The following B3GLCT variants were observed in gnomAD, a reference collection of about 807,000 sequenced individuals.
B3GLCT encodes beta-1,3-glucosyltransferase.
Under a neutral mutation model 63.4 loss-of-function variants are expected in B3GLCT, and 65 were observed. The ratio of observed to expected loss-of-function variants is 1.03; its 90% CI spans 0.84 to 1.26. The LOEUF (loss-of-function observed/expected upper bound fraction) is 1.26, where lower values mean the gene tolerates loss of function less well. B3GLCT is among the 50% of genes most tolerant of loss of function. The pLI, the probability that B3GLCT is intolerant of heterozygous loss-of-function variation, is 0.00. For missense variants in B3GLCT, 577 were observed against 604.8 expected (o/e 0.95, Z 0.48); for synonymous variants, 233 against 219.2 (o/e 1.06, Z -0.55).
intron 12 of B3GLCT, 55 bp from the exon 13 acceptor site, chr13:31,317,511 C>A: frequency 1.2e-6 from 2 of 1,608,438 alleles, no homozygotes; most frequent in South Asian, 2.2e-5. Context: ...ATAAACTGTT[C>A]CATAACCACG....
intron 6 of B3GLCT, among the ~76,000 whole-genome samples, chr13:31,254,642 G>A (rs569086299): frequency 6.6e-6 from 1 of 152,158 alleles, no homozygotes; most frequent in Non-Finnish European, 1.5e-5. Context: ...ATTCAACATG[G>A]TATTGGAAGT....
chr13:31,200,567 C>A lies in B3GLCT; in HGVS notation c.70+413C>A, dbSNP rs549177440. 2.0e-3 allele frequency among the ~76,000 whole-genome samples: 309 copies of A among 151,228 alleles called. 1 individual carries two copies. Among genetic ancestry groups the A allele is most frequent in the Non-Finnish European group, 2.2e-3 (150 of 67,628 alleles). ...GTGGCGGCGGCGGCGGTCCCGCCCC[C>A]CTGCCTTCCGCCCGCGCTCCGCCGT... is the stretch of plus-strand genomic sequence containing the variant. On this transcript the variant is annotated intron_variant, in intron 1 of 14. Coordinates refer to ENST00000343307, the MANE Select transcript of B3GLCT (RefSeq NM_194318.4).
chr13:31,323,877 C>T lies in B3GLCT; in HGVS notation c.1311C>T (p.His437=). ...CFSGLGIPVT[H]SPLFHQARPV... ...GTGGCTTGGGAATCCCTGTGACACA[C>T]AGCCCTCTCTTCCATCAGGTGAGGA... Residue 437 remains histidine (H), a synonymous_variant, in exon 14 of 15, where the codon CAC becomes CAT. Transcript: ENST00000343307. 1.2e-6 allele frequency: 2 copies of T among 1,614,210 alleles called. No individual in the cohort carries two copies. Among genetic ancestry groups the T allele is most frequent in the African/African-American group, 1.3e-5 (1 of 75,062 alleles).
intron 8 of B3GLCT, among the ~76,000 whole-genome samples, chr13:31,271,791 A>T (rs897328601): frequency 6.6e-6 from 1 of 152,204 alleles, no homozygotes; most frequent in African/African-American, 2.4e-5. Context: ...GGAATGTAGA[A>T]ATCGTCCATA....
chr13:31,295,452 T>G (rs1566086572), intron 12 of B3GLCT, among the ~76,000 whole-genome samples: 1 of 151,902 alleles, frequency 6.6e-6, no homozygotes, highest in Non-Finnish European at 1.5e-5. Flanking sequence ...CCCAGGGAGG[T>G]GGGAGTTTTA....
chr13:31,318,653 G>T (rs1209340493), intron 13 of B3GLCT, among the ~76,000 whole-genome samples: 1 of 152,138 alleles, frequency 6.6e-6, no homozygotes, highest in Non-Finnish European at 1.5e-5. Context: ...AAAGACACTA[G>T]AGTAAGCCCA....
chr13:31,255,158 A>G (rs1046734543), intron 6 of B3GLCT, among the ~76,000 whole-genome samples: 11 of 152,182 alleles, frequency 7.2e-5, no homozygotes, highest in African/African-American at 2.4e-4. Flanking sequence ...CTATACACCA[A>G]TAACAGACAG....
rs182440974 is a variant in B3GLCT, at chr13:31,328,261, T to C, written c.1330-1240T>C. On this transcript the variant is annotated intron_variant, in intron 14 of 14. Coordinates refer to ENST00000343307, the MANE Select transcript of B3GLCT (RefSeq NM_194318.4). The stretch of plus-strand genomic sequence containing the variant: ...TCATATCAAAGATTTAGGCAGACTG[T>C]AATAAAAAAAGTAGCCTACAAAAGA... Among the ~76,000 whole-genome samples the C allele has an allele frequency of 2.7e-4, 41 of 152,324 alleles. 1 individual carries two copies. In the Middle Eastern group the frequency reaches 0.014, roughly 51 times the overall value.
chr13:31,219,333 A>G (rs1869708145), intron 2 of B3GLCT, among the ~76,000 whole-genome samples: 1 of 152,242 alleles, frequency 6.6e-6, no homozygotes, highest in Admixed American at 6.5e-5. Context: ...TAAACACGTG[A>G]TTATTAAAAA....
intron 4 of B3GLCT, among the ~76,000 whole-genome samples, chr13:31,244,900 A>G (rs2137801331): frequency 6.6e-6 from 1 of 152,270 alleles, no homozygotes; most frequent in East Asian, 1.9e-4. Flanking sequence ...AGTAGCACCT[A>G]CTTTGTATTT....
At chr13:31,203,215 T>G (rs1868772184) in intron 1 of B3GLCT, among the ~76,000 whole-genome samples, 1 of 152,178 alleles carries the variant, frequency 6.6e-6, no homozygotes, top group African/African-American at 2.4e-5. Context: ...CAGACCTAAT[T>G]CCAGGTTGTT....
At chr13:31,292,746 T>C (rs1448396994) in intron 12 of B3GLCT, among the ~76,000 whole-genome samples, 2 of 151,862 alleles carry the variant, frequency 1.3e-5, no homozygotes, top group African/African-American at 4.8e-5. Flanking sequence ...TTTGTTAATC[T>C]TTTCAAAAAA....
chr13:31,322,475 G>T (rs1426666226), intron 13 of B3GLCT, among the ~76,000 whole-genome samples: 1 of 152,172 alleles, frequency 6.6e-6, no homozygotes, highest in Admixed American at 6.5e-5. Context: ...TTAATAGTTG[G>T]TGGCCAGAGC....
chr13:31,273,107 T>A (rs1415777223), intron 8 of B3GLCT, among the ~76,000 whole-genome samples: 1 of 152,008 alleles, frequency 6.6e-6, no homozygotes, highest in Non-Finnish European at 1.5e-5. Context: ...TGTTTTTCTT[T>A]TGAGACAGAG....
intron 13 of B3GLCT, among the ~76,000 whole-genome samples, chr13:31,323,160 C>A (rs1227933139): frequency 6.6e-6 from 1 of 152,196 alleles, no homozygotes; most frequent in Non-Finnish European, 1.5e-5. Context: ...GAATTGAGCC[C>A]AGCATGTGGA....
chr13:31,229,251 A>G lies in B3GLCT; in HGVS notation c.227A>G (p.Gln76Arg). 6.2e-7 allele frequency: 1 copy of G among 1,613,752 alleles called. No individual in the cohort carries two copies. Among genetic ancestry groups the G allele is most frequent in the African/African-American group, 1.3e-5 (1 of 75,036 alleles). ...SNSFHAKRAE[Q>R]LKKSILKQAA... is the part of the protein sequence containing the mutation. ...TCTTTTCATGCAAAGAGAGCAGAGCAGTTAAAAAAAAGCATCTTAAAGCAG... is the reference window on the plus strand; with the variant it reads ...TCTTTTCATGCAAAGAGAGCAGAGCGGTTAAAAAAAAGCATCTTAAAGCAG... The change falls in exon 4 of 15, where the codon CAG (glutamine) becomes CGG (arginine). Residue 76 changes from glutamine to arginine, a missense_variant. By Grantham distance (43) the Gln-to-Arg change is conservative (BLOSUM62 1). Coordinates refer to ENST00000343307, the MANE Select transcript of B3GLCT (RefSeq NM_194318.4).
intron 6 of B3GLCT, among the ~76,000 whole-genome samples, chr13:31,250,043 A>G (rs1264329674): frequency 6.6e-6 from 1 of 152,214 alleles, no homozygotes; most frequent in Admixed American, 6.5e-5. Context: ...ACTTTTATTA[A>G]TCTTTATTAA....
At chr13:31,276,613 T>G in intron 9 of B3GLCT, 89 bp from the exon 10 acceptor site, 1 of 846,108 alleles carries the variant, frequency 1.2e-6, no homozygotes, top group Non-Finnish European at 2.0e-6. Context: ...CATTGGTTAA[T>G]TTGAACTCTA....
At chr13:31,312,468 A>G (rs536255403) in intron 12 of B3GLCT, 122 of 152,368 alleles carry the variant, frequency 8.0e-4, no homozygotes, top group African/African-American at 2.7e-3. Context: ...TATCTTGACT[A>G]TAGAGTAAAA....
Sources: allele counts gnomAD v4.1 joint callset (sites outside exome capture counted in the v4.1 genomes callset), GRCh38; gene constraint gnomAD v4.1.1; transcripts MANE v1.5; gene names NCBI Gene and HGNC (gene_info 2026-07-23, HGNC 2026-07-21).